Variants in GPHN observed in about 807,000 individuals in gnomAD.
The protein encoded by GPHN is gephyrin.
GPHN carries 17 observed loss-of-function variants against 95.5 expected under a neutral mutation model. The ratio of observed to expected loss-of-function variants is 0.18; its 90% confidence interval spans 0.12 to 0.27. The LOEUF is 0.27. Ranked by LOEUF, GPHN falls within the 10% of genes least tolerant of loss-of-function variation. The pLI is 1.00. For synonymous variants in GPHN, 320 were observed against 322.5 expected (o/e 0.99, Z 0.08); for missense variants, 660 against 978.1 (o/e 0.67, Z 4.34).
At chr14:67,660,544 T>C in the GPHN span, among the ~76,000 whole-genome samples, 46 of 152,328 alleles carry the variant, frequency 3.0e-4, 1 homozygote, top group African/African-American at 1.1e-3. Context: ...GTCTACTGTA[T>C]TAAAAATGAT....
At chr14:67,036,948 A>G (rs2074453245) in intron 10 of GPHN, among the ~76,000 whole-genome samples, 1 of 152,006 alleles carries the variant, frequency 6.6e-6, no homozygotes, top group Non-Finnish European at 1.5e-5. Flanking sequence ...AAATTCATAT[A>G]GAATTTCAGA....
At chr14:66,534,745 A>G (rs144010990) in intron 1 of GPHN, among the ~76,000 whole-genome samples, 334 of 152,236 alleles carry the variant, frequency 2.2e-3, no homozygotes, top group Middle Eastern at 3.4e-3. Context: ...CATTCTGGTC[A>G]GTGTGCACTG....
intron 1 of GPHN, among the ~76,000 whole-genome samples, chr14:66,515,783 CCTGTG>C (rs2139739709): frequency 6.6e-6 from 1 of 152,162 alleles, no homozygotes; most frequent in Admixed American, 6.5e-5. Flanking sequence ...GTACCAAGGC[CCTGTG>C]CTAAGTGAAG....
the GPHN span, among the ~76,000 whole-genome samples, chr14:67,508,415 C>G: frequency 6.6e-6 from 1 of 151,966 alleles, no homozygotes; most frequent in African/African-American, 2.4e-5. Context: ...AAACTAAAAG[C>G]CAAAAAACTT....
At chr14:66,973,149 T>TA (rs907345149) in intron 9 of GPHN, among the ~76,000 whole-genome samples, 34 of 152,084 alleles carry the variant, frequency 2.2e-4, no homozygotes, top group Admixed American at 4.6e-4. Flanking sequence ...TATATATATA[T>TA]TTTTTTTCCA....
chr14:67,555,886 A>G, the GPHN span: 1 of 1,613,342 alleles, frequency 6.2e-7, no homozygotes, highest in Non-Finnish European at 8.5e-7. Flanking sequence ...GCTGAGACCC[A>G]GGTAACCAGG....
the GPHN span, among the ~76,000 whole-genome samples, chr14:67,488,928 C>T: frequency 3.9e-5 from 6 of 152,152 alleles, no homozygotes; most frequent in Non-Finnish European, 8.8e-5. Flanking sequence ...AACTTAGTTG[C>T]AGGGAGGATG....
intron 3 of GPHN, among the ~76,000 whole-genome samples, chr14:66,796,682 T>A (rs1298284473): frequency 1.3e-5 from 2 of 152,020 alleles, no homozygotes; most frequent in Admixed American, 6.6e-5. Flanking sequence ...TAGATTTTTT[T>A]CCTGTACAGT....
intron 2 of GPHN, among the ~76,000 whole-genome samples, chr14:66,715,548 T>C (rs2153424579): frequency 6.6e-6 from 1 of 152,310 alleles, no homozygotes; most frequent in South Asian, 2.1e-4. Context: ...TTTGTTTGTC[T>C]AGTTCCTTGA....
chr14:66,554,300 T>C (rs138394990), intron 1 of GPHN, among the ~76,000 whole-genome samples: 1,760 of 152,296 alleles, frequency 0.012, 14 homozygotes, highest in Non-Finnish European at 0.018. Context: ...AAGTCTTAAA[T>C]TGAGTATAAG....
the GPHN span, among the ~76,000 whole-genome samples, chr14:67,209,093 C>G: frequency 2.6e-5 from 4 of 152,078 alleles, no homozygotes; most frequent in Non-Finnish European, 5.9e-5. Flanking sequence ...CATTTATTGT[C>G]CGCTGATACA....
chr14:67,314,263 T>C, the GPHN span, among the ~76,000 whole-genome samples: 1 of 152,202 alleles, frequency 6.6e-6, no homozygotes, highest in African/African-American at 2.4e-5. Context: ...GAGGAAGTTG[T>C]CCAAAGATTT....
chr14:67,292,682 T>C, the GPHN span: 1 of 1,613,692 alleles, frequency 6.2e-7, no homozygotes, highest in Non-Finnish European at 8.5e-7. Context: ...AGTCCTCCAT[T>C]TCCTCTTATC....
chr14:67,652,904 T>C, the GPHN span, among the ~76,000 whole-genome samples: 2 of 151,972 alleles, frequency 1.3e-5, no homozygotes, highest in Non-Finnish European at 2.9e-5. Flanking sequence ...AGCAATTCTG[T>C]CTCAGCCTCC....
the GPHN span, among the ~76,000 whole-genome samples, chr14:67,718,627 G>A: frequency 1.3e-5 from 2 of 152,226 alleles, no homozygotes; most frequent in Non-Finnish European, 2.9e-5. Context: ...TGAGTGCTCT[G>A]TCATCACTGA....
chr14:66,633,441 G>A (rs574297957), intron 1 of GPHN, among the ~76,000 whole-genome samples: 3 of 152,090 alleles, frequency 2.0e-5, no homozygotes, highest in African/African-American at 4.8e-5. Flanking sequence ...ATGGAATTTT[G>A]CATTTTACTG....
the GPHN span, among the ~76,000 whole-genome samples, chr14:67,358,097 CGGGGGCGGCG>C: frequency 7.9e-6 from 1 of 127,226 alleles, no homozygotes; most frequent in Non-Finnish European, 1.7e-5. Context: ...ATTTTAATGG[CGGGGGCGGCG>C]GGGGGCGGCC....
the GPHN span, chr14:67,691,260 G>A: frequency 6.2e-5 from 99 of 1,588,832 alleles, no homozygotes; most frequent in Non-Finnish European, 8.0e-5. Context: ...GGGACAAGAC[G>A]ATGGAGCGTG....
the GPHN span, chr14:67,473,890 G>A: frequency 2.5e-6 from 4 of 1,609,436 alleles, no homozygotes; most frequent in African/African-American, 1.3e-5. This position sits in a 1 kb window ranked among gnomAD's most constrained non-coding sequence, Gnocchi z 6.5. Context: ...AGGTACCAGC[G>A]GGACAGCGCC....
Sources: gnomAD v4.1 joint callset for allele counts (sites outside exome capture counted in the v4.1 genomes callset) on GRCh38, gnomAD v4.1.1 for gene constraint, Gnocchi (gnomAD v3.1) non-coding constraint, MANE v1.5 for transcripts, NCBI Gene and HGNC (gene_info 2026-07-23, HGNC 2026-07-21) for gene names.